Variants in PARD3B observed in about 807,000 individuals in gnomAD.
PARD3B encodes partitioning defective 3 homolog B.
PARD3B carries 103 observed loss-of-function variants against 130.2 expected under a neutral mutation model. That is an observed-to-expected ratio of 0.79 (90% CI 0.67 to 0.93). The LOEUF (loss-of-function observed/expected upper bound fraction) is 0.93. Ranked by LOEUF, PARD3B falls within the 40% of genes least tolerant of loss-of-function variation. PARD3B has a pLI of 0.00. For missense variants in PARD3B, 1,609 were observed against 1,499.2 expected (o/e 1.07, Z -1.21); for synonymous variants, 583 against 553.2 (o/e 1.05, Z -0.76).
At chr2:204,575,863 C>A (rs890395345) in intron 1 of PARD3B, among the ~76,000 whole-genome samples, 1 of 152,148 alleles carries the variant, frequency 6.6e-6, no homozygotes, top group Admixed American at 6.5e-5. Flanking sequence ...GATATAAGCC[C>A]CTGTGGAGTT....
At position 204,817,300 on chromosome 2, in the gene PARD3B, GATATTATTTTTATTCCTATA is replaced by G. The variant is rs1393693643; in HGVS notation, c.222+131020_222+131039del. Among the ~76,000 whole-genome samples the G allele has an allele frequency of 4.0e-5, 6 of 151,818 alleles. No homozygotes were observed. In the East Asian group the frequency reaches 1.2e-3, roughly 29 times the overall value. On this transcript the variant is annotated intron_variant, in intron 2 of 22. Coordinates refer to ENST00000406610, the MANE Select transcript of PARD3B (RefSeq NM_001302769.2). ...CAGACTATTACCTTATTGGGCACTG[GATATTATTTTTATTCCTATA>G]AAGGTCCTAGATCATATTTCTGAGA...
intron 3 of PARD3B, among the ~76,000 whole-genome samples, chr2:205,033,775 A>G (rs1036891300): frequency 6.6e-6 from 1 of 152,212 alleles, no homozygotes; most frequent in African/African-American, 2.4e-5. Context: ...GTTGCCATAA[A>G]TCTTATGAAT....
At chr2:204,797,259 TAAC>T (rs2042407852) in intron 2 of PARD3B, among the ~76,000 whole-genome samples, 2 of 152,064 alleles carry the variant, frequency 1.3e-5, no homozygotes, top group Admixed American at 1.3e-4. Context: ...CATTAATAAT[TAAC>T]AACTTAGAAT....
At chr2:204,620,019 T>C (rs2034242703) in intron 1 of PARD3B, among the ~76,000 whole-genome samples, 1 of 152,168 alleles carries the variant, frequency 6.6e-6, no homozygotes, top group African/African-American at 2.4e-5. Flanking sequence ...TCTCTTTTTT[T>C]GAGATGGAAT....
At chr2:205,059,856 G>A (rs1441601035) in intron 4 of PARD3B, among the ~76,000 whole-genome samples, 2 of 152,050 alleles carry the variant, frequency 1.3e-5, no homozygotes, top group Non-Finnish European at 2.9e-5. Context: ...ACACCTTGGA[G>A]GAGGGCTACT....
At position 205,407,542 on chromosome 2, in the gene PARD3B, C is replaced by A. The variant is rs889185439; in HGVS notation, c.2741+6419C>A. 2.0e-5 allele frequency among the ~76,000 whole-genome samples: 3 copies of A among 152,086 alleles called. No individual in the cohort carries two copies. The highest frequency in any genetic ancestry group is 7.2e-5 in the African/African-American group (3 of 41,410). On this transcript the variant is annotated intron_variant, in intron 19 of 22. Transcript: ENST00000406610. This position sits in a 1 kb window ranked among gnomAD's most constrained non-coding sequence, Gnocchi z 4.1. Reference sequence around the variant, plus strand: ...TATTGTTGTTATTCAATTCTAAGACCTAAGTTTGTAACCTTTTACAAAGTA... The same window carrying A: ...TATTGTTGTTATTCAATTCTAAGACATAAGTTTGTAACCTTTTACAAAGTA...
At chr2:205,195,074 C>T (rs2036609181) in intron 15 of PARD3B, among the ~76,000 whole-genome samples, 2 of 151,104 alleles carry the variant, frequency 1.3e-5, no homozygotes, top group South Asian at 4.2e-4. Flanking sequence ...GCTGGGATTA[C>T]AGGCGTGAGC....
intron 2 of PARD3B, among the ~76,000 whole-genome samples, chr2:204,763,148 C>T (rs1184177959): frequency 6.6e-6 from 1 of 152,186 alleles, no homozygotes; most frequent in African/African-American, 2.4e-5. Flanking sequence ...TATATGATTT[C>T]TTCCTAAATA....
intron 18 of PARD3B, among the ~76,000 whole-genome samples, chr2:205,381,991 A>G (rs1202597268): frequency 6.6e-6 from 1 of 152,024 alleles, no homozygotes; most frequent in East Asian, 1.9e-4. Context: ...CACAGTTTTC[A>G]TATACTTTTT....
chr2:205,008,065 A>T (rs1031526352), intron 3 of PARD3B, among the ~76,000 whole-genome samples: 1 of 152,180 alleles, frequency 6.6e-6, no homozygotes, highest in African/African-American at 2.4e-5. Flanking sequence ...TAACAAAAAC[A>T]AAAACTAAAA....
chr2:205,134,344 G>A (rs1159973728), intron 10 of PARD3B, among the ~76,000 whole-genome samples: 1 of 127,890 alleles, frequency 7.8e-6, no homozygotes, highest in Non-Finnish European at 1.7e-5. Flanking sequence ...ACAACATGGT[G>A]AAACCCCATC....
At chr2:204,737,374 C>T (rs902136719) in intron 2 of PARD3B, among the ~76,000 whole-genome samples, 1 of 152,144 alleles carries the variant, frequency 6.6e-6, no homozygotes, top group Non-Finnish European at 1.5e-5. Flanking sequence ...TGCCTTTGAC[C>T]ATTCGTATGT....
At chr2:204,631,467 C>T (rs1274736632) in intron 1 of PARD3B, among the ~76,000 whole-genome samples, 1 of 152,142 alleles carries the variant, frequency 6.6e-6, no homozygotes, top group East Asian at 1.9e-4. Context: ...CCAGGATAGT[C>T]TCGATCTCTT....
At chr2:204,563,140 G>A (rs2031425838) in intron 1 of PARD3B, among the ~76,000 whole-genome samples, 1 of 151,672 alleles carries the variant, frequency 6.6e-6, no homozygotes, top group South Asian at 2.1e-4. Flanking sequence ...TCCAGCTTCT[G>A]GCAGCCCAGG....
intron 20 of PARD3B, among the ~76,000 whole-genome samples, chr2:205,464,531 T>C (rs1246017252): frequency 6.6e-6 from 1 of 152,190 alleles, no homozygotes; most frequent in Non-Finnish European, 1.5e-5. Flanking sequence ...TAGGAATCTT[T>C]GGGTGCAGGG....
At chr2:205,173,079 A>T (rs1398006477) in intron 12 of PARD3B, among the ~76,000 whole-genome samples, 1 of 152,162 alleles carries the variant, frequency 6.6e-6, no homozygotes, top group African/African-American at 2.4e-5. Flanking sequence ...AGAAAAAGCT[A>T]AGAAGAAAAA....
chr2:204,789,184 G>A (rs576449265), intron 2 of PARD3B, among the ~76,000 whole-genome samples: 4 of 152,256 alleles, frequency 2.6e-5, no homozygotes, highest in South Asian at 2.1e-4. Flanking sequence ...AGCCTCCAGA[G>A]TAGCTGGGAC....
intron 16 of PARD3B, among the ~76,000 whole-genome samples, chr2:205,278,672 A>G (rs953321522): frequency 2.0e-5 from 3 of 152,164 alleles, no homozygotes; most frequent in African/African-American, 4.8e-5. Flanking sequence ...ATTTTTCTAC[A>G]AGTCTTCCAT....
At chr2:205,480,626 T>G (rs2049195581) in intron 20 of PARD3B, among the ~76,000 whole-genome samples, 1 of 152,186 alleles carries the variant, frequency 6.6e-6, no homozygotes, top group Non-Finnish European at 1.5e-5. Context: ...GTAAGAGTCT[T>G]GAAGGATTTC....
Sources: allele counts gnomAD v4.1 joint callset (sites outside exome capture counted in the v4.1 genomes callset), GRCh38; gene constraint gnomAD v4.1.1; non-coding constraint Gnocchi (gnomAD v3.1); transcripts MANE v1.5; gene names NCBI Gene and HGNC (gene_info 2026-07-23, HGNC 2026-07-21).